The following EYA2 variants were observed in gnomAD, a reference collection of about 807,000 sequenced individuals.
EYA2 encodes the protein protein phosphatase EYA2.
EYA2 carries 31 observed loss-of-function variants against 69.2 expected under a neutral mutation model. That is an observed-to-expected ratio of 0.45 (90% confidence interval 0.34 to 0.60). The LOEUF (loss-of-function observed/expected upper bound fraction) is 0.60, where lower values mean the gene tolerates loss of function less well. Among genes scored for constraint, EYA2 ranks in the 20% least tolerant of loss-of-function variants. The probability of loss-of-function intolerance (pLI) is 0.02; values close to 1 mark genes in which losing one functional copy is unlikely to be tolerated. For synonymous variants in EYA2, 257 were observed against 279.4 expected, an observed-to-expected ratio of 0.92 and a Z score of 0.80; for missense variants, 622 against 701.2, an observed-to-expected ratio of 0.89 and a Z score of 1.28.
intron 1 of EYA2, among the ~76,000 whole-genome samples, chr20:46,948,823 C>T (rs759394098): frequency 3.9e-5 from 6 of 152,224 alleles, no homozygotes; most frequent in Non-Finnish European, 8.8e-5. Flanking sequence ...GAGCACTGTT[C>T]TTCATTCAAG....
Position 47,172,810 on chromosome 20 carries a change from G to T in EYA2, c.1141G>T (p.Ala381Ser). The T allele has an allele frequency of 6.2e-7, 1 of 1,614,164 alleles. No individual in the cohort carries two copies. The highest frequency in any genetic ancestry group is 2.2e-5 in the East Asian group (1 of 44,878). Residue 381 changes from alanine (A) to serine (S), a missense_variant, in exon 12 of 16, where the codon GCC becomes TCC. This residue lies in a region of EYA2 where 257 missense variants were observed against 351.5 expected (regional missense o/e 0.73). Transcript: ENST00000327619. ...HGGVDWMRKL[A>S]FRYRRVKEMY... ...CGGCGTGGACTGGATGAGGAAGCTG[G>T]CCTTCCGCTACCGGCGGGTGAAGGA...
At chr20:47,040,934 C>T (rs574977269) in intron 5 of EYA2, among the ~76,000 whole-genome samples, 36 of 152,194 alleles carry the variant, frequency 2.4e-4, no homozygotes, top group Non-Finnish European at 5.9e-5. Context: ...GTTCTGAGGG[C>T]ATGCCAAGGG....
chr20:47,003,578 G>C (rs1409533022), intron 3 of EYA2, among the ~76,000 whole-genome samples: 2 of 152,242 alleles, frequency 1.3e-5, no homozygotes, highest in Admixed American at 1.3e-4. Context: ...GTGTGTATCT[G>C]TGCACGTAAC....
chr20:47,074,100 G>T (rs1457688993), intron 6 of EYA2, 58 bp from the exon 7 acceptor site: 1 of 1,471,136 alleles, frequency 6.8e-7, no homozygotes, highest in South Asian at 1.4e-5. Context: ...GCTGACCAAC[G>T]GCCCGAGCCC....
intron 1 of EYA2, among the ~76,000 whole-genome samples, chr20:46,927,232 C>T (rs1185628666): frequency 6.6e-6 from 1 of 152,204 alleles, no homozygotes; most frequent in Non-Finnish European, 1.5e-5. Context: ...CCCCTTCCCT[C>T]AGTCAGGAAA....
intron 1 of EYA2, among the ~76,000 whole-genome samples, chr20:46,953,171 G>A (rs1487032534): frequency 5.9e-5 from 9 of 152,210 alleles, no homozygotes; most frequent in Non-Finnish European, 1.3e-4. Context: ...TATTTAGTGT[G>A]TGTCACTGAT....
intron 14 of EYA2, 44 bp downstream of exon 14, chr20:47,180,980 T>C (rs955293738): frequency 6.3e-7 from 1 of 1,593,780 alleles, no homozygotes; most frequent in Non-Finnish European, 8.5e-7. Context: ...GGTTGGAGGG[T>C]GGGGTTAGCT....
Position 47,179,834 on chromosome 20 carries a change from A to G in EYA2, c.1235A>G (p.Gln412Arg), listed in dbSNP as rs576449283. The stretch of plus-strand genomic sequence containing the variant: ...ACTCCCAAAAGGGAGACCTGGCTAC[A>G]GCTCCGAGCTGAGCTGGAAGCTCTC... Reference protein sequence around the residue: ...IGTPKRETWLQLRAELEALTD... With the variant: ...IGTPKRETWLRLRAELEALTD... The change falls in exon 13 of 16, where the codon CAG becomes CGG. Residue 412 changes from glutamine to arginine, a missense_variant. By Grantham distance (43) the Gln-to-Arg change is conservative. Coordinates refer to ENST00000327619, the MANE Select transcript of EYA2 (RefSeq NM_005244.5). 1.2e-5 allele frequency: 19 copies of G among 1,614,016 alleles called. No homozygotes were observed. The highest frequency in any genetic ancestry group is 3.3e-4 in the Middle Eastern group (2 of 6,084).
intron 1 of EYA2, among the ~76,000 whole-genome samples, chr20:46,945,301 G>A (rs867632014): frequency 6.6e-6 from 1 of 152,144 alleles, no homozygotes; most frequent in African/African-American, 2.4e-5. Context: ...CTGGCAGTTC[G>A]TAAGTGCTGT....
intron 5 of EYA2, among the ~76,000 whole-genome samples, chr20:47,032,906 A>T (rs1231902663): frequency 6.6e-6 from 1 of 152,206 alleles, no homozygotes; most frequent in Non-Finnish European, 1.5e-5. Flanking sequence ...AGAAGCCTGC[A>T]ATCTTGAATT....
intron 1 of EYA2, among the ~76,000 whole-genome samples, chr20:46,922,323 T>C (rs1437128919): frequency 6.6e-6 from 1 of 152,040 alleles, no homozygotes; most frequent in African/African-American, 2.4e-5. Context: ...AAATCTCTGG[T>C]AGATAAGAGA....
intron 9 of EYA2, among the ~76,000 whole-genome samples, chr20:47,134,666 T>C (rs576133165): frequency 2.0e-5 from 3 of 152,306 alleles, no homozygotes; most frequent in East Asian, 1.9e-4. Flanking sequence ...CGTTGTCTAT[T>C]GTAGGAATTA....
At chr20:47,002,134 C>T (rs1223818518) in intron 3 of EYA2, among the ~76,000 whole-genome samples, 1 of 151,856 alleles carries the variant, frequency 6.6e-6, no homozygotes, top group East Asian at 1.9e-4. Flanking sequence ...CTCTTCCCTC[C>T]CCTTTCGTCC....
chr20:46,992,489 C>T (rs570338863), intron 2 of EYA2, among the ~76,000 whole-genome samples: 124 of 152,284 alleles, frequency 8.1e-4, no homozygotes, highest in African/African-American at 2.9e-3. Flanking sequence ...GGAGGAGTTA[C>T]GTAACCAGGT....
At chr20:47,009,488 A>G (rs532268805) in intron 4 of EYA2, among the ~76,000 whole-genome samples, 17 of 152,232 alleles carry the variant, frequency 1.1e-4, no homozygotes, top group Non-Finnish European at 1.9e-4. Flanking sequence ...AGACATACAT[A>G]ATAGAGTAAT....
chr20:47,112,790 G>C (rs757465036), intron 9 of EYA2, among the ~76,000 whole-genome samples: 1 of 151,484 alleles, frequency 6.6e-6, no homozygotes, highest in African/African-American at 2.4e-5. Context: ...AACAGTTCCA[G>C]GGAAGTTGAG....
At chr20:47,076,741 A>G (rs2031532544) in intron 7 of EYA2, among the ~76,000 whole-genome samples, 1 of 152,248 alleles carries the variant, frequency 6.6e-6, no homozygotes, top group Non-Finnish European at 1.5e-5. Flanking sequence ...TCCAATGACA[A>G]TGTTGAGACT....
At chr20:46,908,869 A>AATT in intron 1 of EYA2, among the ~76,000 whole-genome samples, 1 of 62,936 alleles carries the variant, frequency 1.6e-5, no homozygotes, top group Admixed American at 2.3e-4. Context: ...TCTCTCCCGC[A>AATT]CTTTTTTTTT....
chr20:46,942,418 A>G (rs1986194265), intron 1 of EYA2, among the ~76,000 whole-genome samples: 1 of 151,970 alleles, frequency 6.6e-6, no homozygotes, highest in Non-Finnish European at 1.5e-5. Context: ...GTGTTGTACC[A>G]TTTTTAGGGG....
Sources: allele counts gnomAD v4.1 joint callset (sites outside exome capture counted in the v4.1 genomes callset), GRCh38; gene constraint gnomAD v4.1.1; regional missense constraint gnomAD v4.1.1; transcripts MANE v1.5; gene names NCBI Gene and HGNC (gene_info 2026-07-23, HGNC 2026-07-21).